The following GBA2 variants were observed in gnomAD, a reference collection of about 807,000 sequenced individuals.
GBA2 encodes the protein non-lysosomal glucosylceramidase.
In GBA2, 79 loss-of-function variants were observed where a neutral mutation model predicts 112.9. That is an observed-to-expected ratio of 0.70 (90% confidence interval 0.58 to 0.84). The LOEUF is 0.84. Ranked by LOEUF, GBA2 falls within the 40% of genes least tolerant of loss-of-function variation. The pLI is 0.00. For missense variants in GBA2, 1,043 were observed against 1,190.0 expected, an observed-to-expected ratio of 0.88 and a Z score of 1.82; for synonymous variants, 403 against 434.3, an observed-to-expected ratio of 0.93 and a Z score of 0.90.
In GBA2 at chr9:35,737,349, C is replaced by T. The variant is rs887803349; in HGVS notation, c.2604G>A (p.Gln868=). Residue 868 remains glutamine (Q), a synonymous_variant, in exon 17 of 17, where the codon CAG becomes CAA. Coordinates refer to ENST00000378103, the MANE Select transcript of GBA2 (RefSeq NM_020944.3). This position sits in a 1 kb window ranked among gnomAD's most constrained non-coding sequence, Gnocchi z 4.1. Reference sequence around the variant, plus strand: ...AGGCCAGTGAGCGGAACACTCGCTGCTGGCAGTATGCCTCTGGGGTCTGGA... The same window carrying T: ...AGGCCAGTGAGCGGAACACTCGCTGTTGGCAGTATGCCTCTGGGGTCTGGA... ...LAFQTPEAYC[Q]QRVFRSLAYM... The T allele has an allele frequency of 9.3e-6, 15 of 1,614,052 alleles. No individual in the cohort carries two copies. Among genetic ancestry groups the T allele is most frequent in the Non-Finnish European group, 1.3e-5 (15 of 1,180,038 alleles).
At position 35,746,440 on chromosome 9, in the gene GBA2, CATT is replaced by C. The variant is rs1259944863; in HGVS notation, c.360-1737_360-1735del. Reference sequence around the variant, plus strand: ...CCCGTCTCTACTAAAAATACAAAAACATTAGCCAGCTGTGGTGGCAGGCACCTG... The same window carrying C: ...CCCGTCTCTACTAAAAATACAAAAACAGCCAGCTGTGGTGGCAGGCACCTG... On this transcript the variant is annotated intron_variant, in intron 1 of 16. Coordinates refer to ENST00000378103, the MANE Select transcript of GBA2 (RefSeq NM_020944.3). This position sits in a 1 kb window ranked among gnomAD's most constrained non-coding sequence, Gnocchi z 5.2. Among the ~76,000 whole-genome samples the C allele has an allele frequency of 6.6e-6, 1 of 151,940 alleles. No individual in the cohort carries two copies. Among genetic ancestry groups the C allele is most frequent in the Non-Finnish European group, 1.5e-5 (1 of 67,962 alleles).
In GBA2 at chr9:35,740,562, C is replaced by T. The variant is rs201219745; in HGVS notation, c.1093G>A (p.Asp365Asn). ...PDSTGQQVWQDLLQDGQLDSP... is the reference protein window; with the variant it reads ...PDSTGQQVWQNLLQDGQLDSP... ...TCCAGCTGTCCATCCTGAAGTAGAT[C>T]CTGCCACACCTGCTGCCCCGTGCTG... The change falls in exon 6 of 17, where the codon GAT becomes AAT. Residue 365 changes from aspartate (D) to asparagine (N), a missense_variant. Transcript: ENST00000378103. This position sits in a 1 kb window ranked among gnomAD's most constrained non-coding sequence, Gnocchi z 4.7. The T allele has an allele frequency of 1.3e-4, 207 of 1,613,952 alleles. No individual in the cohort carries two copies. The highest frequency in any genetic ancestry group is 8.2e-4 in the Middle Eastern group (5 of 6,062).
At position 35,741,355 on chromosome 9, in the gene GBA2, C is replaced by T. The variant is rs1204352499; in HGVS notation, c.787-291G>A. On this transcript the variant is annotated intron_variant, in intron 4 of 16. Coordinates refer to ENST00000378103, the MANE Select transcript of GBA2 (RefSeq NM_020944.3). The surrounding 1 kb of genome is among the most constrained non-coding windows in gnomAD (Gnocchi z 4.6). ...TTTTTTTTTTTGGGGGGTGCGGTGG[C>T]GCAATCTCGGCTCACTGCAAGCTCC... 2.1e-6 allele frequency: 1 copy of T among 486,426 alleles called. No individual in the cohort carries two copies. 30.1% of individuals were successfully genotyped at this position (486,426 alleles called of 1,614,324 possible).
Position 35,738,833 on chromosome 9 carries a change from C to T in GBA2, c.1866G>A (p.Leu622=), listed in dbSNP as rs1173113292. ...HDTADWKDLN[L]KFVLQVYRDY... is the part of the protein sequence containing the mutation. The stretch of plus-strand genomic sequence containing the variant: ...CCCGATAAACCTGCAGCACAAACTT[C>T]AGGTTCAGGTCCTTCCAATCAGCAG... The change falls in exon 12 of 17, where the codon CTG becomes CTA. Residue 622 remains leucine (L), a synonymous_variant. Transcript: ENST00000378103. The T allele has an allele frequency of 1.9e-6, 3 of 1,614,024 alleles. No individual in the cohort carries two copies.
intron 3 of GBA2, among the ~76,000 whole-genome samples, chr9:35,744,002 A>G (rs962475879): frequency 4.6e-5 from 7 of 151,856 alleles, no homozygotes; most frequent in African/African-American, 1.7e-4. Context: ...AATTCTCTGC[A>G]TTCTCTGTGG....
At position 35,744,373 on chromosome 9, in the gene GBA2, C is replaced by G; in HGVS notation, c.491G>C (p.Arg164Pro). The G allele has an allele frequency of 3.7e-6, 6 of 1,612,880 alleles. No individual in the cohort carries two copies. The highest frequency in any genetic ancestry group is 5.1e-6 in the Non-Finnish European group (6 of 1,178,888). The change falls in exon 3 of 17, where the codon CGT (arginine) becomes CCT (proline). Residue 164 changes from arginine (R) to proline (P), a missense_variant. Coordinates refer to ENST00000378103, the MANE Select transcript of GBA2 (RefSeq NM_020944.3). Reference sequence around the variant, plus strand: ...ACGACAGAACTGGCCTCTCCAGCCACGGGTAATAGTGCCTCCCCCGATGCC... The same window carrying G: ...ACGACAGAACTGGCCTCTCCAGCCAGGGGTAATAGTGCCTCCCCCGATGCC... ...LGGIGGGTITRGWRGQFCRWQ... is the reference protein window; with the variant it reads ...LGGIGGGTITPGWRGQFCRWQ...
chr9:35,739,413 T>A lies in GBA2; in HGVS notation c.1589A>T (p.Glu530Val). The change falls in exon 10 of 17, where the codon GAG becomes GTG. Residue 530 changes from glutamate (E) to valine (V), a missense_variant. Glu to Val is a moderately radical substitution (Grantham distance 121, BLOSUM62 -2). Transcript: ENST00000378103. The stretch of plus-strand genomic sequence containing the variant: ...ATCATATGTGTTGTACATGCGGTAC[T>A]CCTGGCCTGGAGGAATGAATGAGAC... ...YGRFGYLEGQEYRMYNTYDVH... is the reference protein window; with the variant it reads ...YGRFGYLEGQVYRMYNTYDVH... 2 of 1,607,992 alleles carry A rather than the reference T, an allele frequency of 1.2e-6. No individual in the cohort carries two copies. The highest frequency in any genetic ancestry group is 1.7e-6 in the Non-Finnish European group (2 of 1,174,472).
In GBA2 at chr9:35,744,036, G is replaced by T. The variant is rs973786449; in HGVS notation, c.567+261C>A. Reference sequence around the variant, plus strand: ...GGTTGGGGGCTGCCTCAGCTAGTTGGGTTGGGGCAGTGAGGTAGACAGGAG... The same window carrying T: ...GGTTGGGGGCTGCCTCAGCTAGTTGTGTTGGGGCAGTGAGGTAGACAGGAG... On this transcript the variant is annotated intron_variant, in intron 3 of 16. Transcript: ENST00000378103. Among the ~76,000 whole-genome samples, 5 of 152,138 alleles carry T rather than the reference G, an allele frequency of 3.3e-5. No individual in the cohort carries two copies. The South Asian group carries it at 8.3e-4, about 25-fold the overall frequency.
Position 35,737,226 on chromosome 9 carries a change from T to C in GBA2, c.2727A>G (p.Leu909=). 1 of 1,613,090 alleles carries C rather than the reference T, an allele frequency of 6.2e-7. No individual in the cohort carries two copies. The highest frequency in any genetic ancestry group is 8.5e-7 in the Non-Finnish European group (1 of 1,179,990). The change falls in exon 17 of 17, where the codon CTA becomes CTG. Residue 909 remains leucine, a synonymous_variant. Transcript: ENST00000378103. This position sits in a 1 kb window ranked among gnomAD's most constrained non-coding sequence, Gnocchi z 4.1. Reference sequence around the variant, plus strand: ...TTGGTCCAAACATAGGCCCTGTCCTTAGTCCTGTGCCCTGTTTGACTTTTG... The same window carrying C: ...TTGGTCCAAACATAGGCCCTGTCCTCAGTCCTGTGCCCTGTTTGACTTTTG... The part of the protein sequence containing the change: ...SWPKVKQGTG[L]RTGPMFGPKE...
intron 3 of GBA2, chr9:35,743,293 G>A (rs2131994537): frequency 6.5e-6 from 1 of 153,908 alleles, no homozygotes; most frequent in African/African-American, 2.4e-5. Context: ...CCTTGCGCAT[G>A]TTACTAAACC....
chr9:35,737,379 C>T lies in GBA2; in HGVS notation c.2574G>A (p.Leu858=), dbSNP rs145866042. 161 of 1,614,062 alleles carry T rather than the reference C, an allele frequency of 1.0e-4. No individual in the cohort carries two copies. The highest frequency in any genetic ancestry group is 8.2e-4 in the Middle Eastern group (5 of 6,084). The change falls in exon 17 of 17, where the codon CTG becomes CTA. Residue 858 remains leucine (L), a synonymous_variant. Coordinates refer to ENST00000378103, the MANE Select transcript of GBA2 (RefSeq NM_020944.3). The surrounding 1 kb of genome is among the most constrained non-coding windows in gnomAD (Gnocchi z 4.1). ...CYRTVWERLG[L]AFQTPEAYCQ... is the part of the protein sequence containing the mutation. ...AGTATGCCTCTGGGGTCTGGAAGGC[C>T]AGACCCAGGCGCTCCCACACGGTAC... is the stretch of plus-strand genomic sequence containing the variant.
At chr9:35,745,696 A>C (rs775414640) in intron 1 of GBA2, among the ~76,000 whole-genome samples, 3 of 152,174 alleles carry the variant, frequency 2.0e-5, no homozygotes, top group Non-Finnish European at 4.4e-5. Flanking sequence ...TTCAATAGGC[A>C]AACGATTCTG....
chr9:35,738,441 C>A, intron 13 of GBA2, 67 bp from the exon 14 acceptor site: 3 of 1,593,882 alleles, frequency 1.9e-6, no homozygotes, highest in Non-Finnish European at 2.6e-6. Flanking sequence ...GTGTAATAGA[C>A]AATGAGTCAT....
At chr9:35,745,580 C>G (rs1345722788) in intron 1 of GBA2, among the ~76,000 whole-genome samples, 2 of 137,156 alleles carry the variant, frequency 1.5e-5, no homozygotes, top group Non-Finnish European at 3.1e-5. Context: ...AACATTTAAA[C>G]TGTGAAGCTT....
Position 35,738,908 on chromosome 9 carries a change from GGGAGA to G in GBA2, c.1796-10_1796-6del. ...CGCGGAGCCATGGTTCATCATCTGT[GGGAGA>G]GGAGGGGACTTGGGTCACTTGCATT... On this transcript the variant is annotated splice_polypyrimidine_tract_variant and splice_region_variant and intron_variant, in intron 11 of 16. Coordinates refer to ENST00000378103, the MANE Select transcript of GBA2 (RefSeq NM_020944.3). The G allele has an allele frequency of 6.2e-7, 1 of 1,613,948 alleles. No individual in the cohort carries two copies. The highest frequency in any genetic ancestry group is 8.5e-7 in the Non-Finnish European group (1 of 1,179,820).
chr9:35,740,800 G>A lies in GBA2; in HGVS notation c.1026+25C>T. The A allele has an allele frequency of 6.2e-7, 1 of 1,612,824 alleles. No homozygotes were observed. Among genetic ancestry groups the A allele is most frequent in the Non-Finnish European group, 8.5e-7 (1 of 1,179,082 alleles). ...GGTGGAGGTGGGGTTCAGGGGCTAA[G>A]GTATAGGGCAGGCTCTTTCCTTACC... On this transcript the variant is annotated intron_variant, in intron 5 of 16. Coordinates refer to ENST00000378103, the MANE Select transcript of GBA2 (RefSeq NM_020944.3). The surrounding 1 kb of genome is among the most constrained non-coding windows in gnomAD (Gnocchi z 4.7).
rs772044182 is a variant in GBA2 at position 35,740,775 on chromosome 9, G to A, written c.1026+50C>T. On this transcript the variant is annotated intron_variant, in intron 5 of 16. Coordinates refer to ENST00000378103, the MANE Select transcript of GBA2 (RefSeq NM_020944.3). This position sits in a 1 kb window ranked among gnomAD's most constrained non-coding sequence, Gnocchi z 4.7. Reference sequence around the variant, plus strand: ...AGGGTGGATGAAGAGACCATGCTGGGGTGGAGGTGGGGTTCAGGGGCTAAG... The same window carrying A: ...AGGGTGGATGAAGAGACCATGCTGGAGTGGAGGTGGGGTTCAGGGGCTAAG... 1.2e-5 allele frequency: 20 copies of A among 1,603,372 alleles called. No individual in the cohort carries two copies. Among genetic ancestry groups the A allele is most frequent in the Non-Finnish European group, 1.7e-5 (20 of 1,171,706 alleles).
chr9:35,741,684 G>T lies in GBA2; in HGVS notation c.774C>A (p.Pro258=). ...LTCRQITPIL[P]HDYQDSSLPV... is the part of the protein sequence containing the mutation. ...GTGGGGGCCTCACCTGGTAGTCATG[G>T]GGCAAGATGGGTGTGATCTGACGGC... The change falls in exon 4 of 17, where the codon CCC becomes CCA. Residue 258 remains proline (P), a synonymous_variant. Transcript: ENST00000378103. The surrounding 1 kb of genome is among the most constrained non-coding windows in gnomAD (Gnocchi z 4.6). 1 of 1,606,018 alleles carries T rather than the reference G, an allele frequency of 6.2e-7. No homozygotes were observed. Among genetic ancestry groups the T allele is most frequent in the Non-Finnish European group, 8.5e-7 (1 of 1,172,658 alleles).
intron 10 of GBA2, 90 bp downstream of exon 10, chr9:35,739,225 G>A: frequency 1.9e-6 from 2 of 1,055,814 alleles, no homozygotes; most frequent in Non-Finnish European, 3.0e-6. Flanking sequence ...CGTATGAAGG[G>A]AAGGGAAAGA....
Sources: allele counts gnomAD v4.1 joint callset (sites outside exome capture counted in the v4.1 genomes callset), GRCh38; gene constraint gnomAD v4.1.1; non-coding constraint Gnocchi (gnomAD v3.1); transcripts MANE v1.5; gene names NCBI Gene and HGNC (gene_info 2026-07-23, HGNC 2026-07-21).